The following DEFA6 variants were observed in gnomAD, a reference collection of about 807,000 sequenced individuals.
The protein encoded by DEFA6 is defensin alpha 6.
A neutral mutation model predicts 5.1 loss-of-function variants in DEFA6; 8 were observed. The ratio of observed to expected loss-of-function variants is 1.57; its 90% CI spans 0.92 to 2.83. The LOEUF (loss-of-function observed/expected upper bound fraction) is 2.83. Ranked by LOEUF, DEFA6 falls within the 30% of genes most tolerant of loss-of-function variation. DEFA6 has a pLI of 0.00. For missense variants in DEFA6, 191 were observed against 119.1 expected (o/e 1.60, Z -2.81); for synonymous variants, 74 against 45.3 (o/e 1.63, Z -2.54).
In DEFA6 at chr8:6,924,803, C is replaced by G. The variant is rs866592808; in HGVS notation, c.*15G>C. ...TAAAGTAAATTATGAATATATTTCTCTCTGTTCTCATCCCTCAGAGGCAGC... is the reference window on the plus strand; with the variant it reads ...TAAAGTAAATTATGAATATATTTCTGTCTGTTCTCATCCCTCAGAGGCAGC... On this transcript the variant is annotated 3_prime_UTR_variant, in exon 2 of 2. Coordinates refer to ENST00000297436, the MANE Select transcript of DEFA6 (RefSeq NM_001926.4). 4 of 1,544,710 alleles carry G rather than the reference C, an allele frequency of 2.6e-6. No individual in the cohort carries two copies. The highest frequency in any genetic ancestry group is 3.6e-6 in the Non-Finnish European group (4 of 1,120,184).
At chr8:6,925,740 G>A in intron 1 of DEFA6, 103 bp downstream of exon 1, 1 of 925,108 alleles carries the variant, frequency 1.1e-6, no homozygotes, top group Admixed American at 2.9e-5. Flanking sequence ...TGAGGCCTGG[G>A]GAGGTGATCA....
At position 6,924,933 on chromosome 8, in the gene DEFA6, G is replaced by A. The variant is rs1164230260; in HGVS notation, c.194-6C>T. 6.3e-7 allele frequency: 1 copy of A among 1,590,528 alleles called. No individual in the cohort carries two copies. The highest frequency in any genetic ancestry group is 1.7e-5 in the Admixed American group (1 of 59,650). ...AGTGAAAGCCCTTGTTGAGCCTGGG[G>A]ACAGAGAGAGAGAGCATCAGAAATT... is the stretch of plus-strand genomic sequence containing the variant. On this transcript the variant is annotated splice_region_variant and splice_polypyrimidine_tract_variant and intron_variant, in intron 1 of 1. Transcript: ENST00000297436.
At chr8:6,925,575 G>A (rs13439576) in intron 1 of DEFA6, among the ~76,000 whole-genome samples, 4,388 of 152,178 alleles carry the variant, frequency 0.029, 213 homozygotes, top group African/African-American at 0.099. Flanking sequence ...TTAAAATTAG[G>A]CTCTCTTCCT....
chr8:6,926,027 G>C lies in DEFA6; in HGVS notation c.9C>G (p.Thr3=). 6.2e-7 allele frequency: 1 copy of C among 1,609,582 alleles called. No individual in the cohort carries two copies. The highest frequency in any genetic ancestry group is 8.5e-7 in the Non-Finnish European group (1 of 1,178,360). MR[T]LTILTAVLLV... ...GGAGAACAGCAGTGAGGATGGTGAG[G>C]GTTCTCATGGCTAGGGTCGCTGGAG... Residue 3 remains threonine (T), a synonymous_variant, in exon 1 of 2, where the codon ACC becomes ACG. Coordinates refer to ENST00000297436, the MANE Select transcript of DEFA6 (RefSeq NM_001926.4).
chr8:6,924,865 C>T lies in DEFA6; in HGVS notation c.256G>A (p.Gly86Arg), dbSNP rs745532765. The T allele has an allele frequency of 1.2e-6, 2 of 1,611,784 alleles. No homozygotes were observed. The highest frequency in any genetic ancestry group is 1.7e-6 in the Non-Finnish European group (2 of 1,178,048). The change falls in exon 2 of 2, where the codon GGG becomes AGG. Residue 86 changes from glycine to arginine, a missense_variant. By Grantham distance (125) the Gly-to-Arg change is moderately radical. Coordinates refer to ENST00000297436, the MANE Select transcript of DEFA6 (RefSeq NM_001926.4). ...RSCYSTEYSY[G>R]TCTVMGINHR... is the part of the protein sequence containing the mutation. ...TTAATACCCATGACAGTGCAGGTCCCATAGGAATATTCTGTTGAATAACAG... is the reference window on the plus strand; with the variant it reads ...TTAATACCCATGACAGTGCAGGTCCTATAGGAATATTCTGTTGAATAACAG...
rs1003470629 is a variant in DEFA6 at position 6,924,782 on chromosome 8, G to A, written c.*36C>T. ...CGACAGTTTCCTTCTAGGTCATAAA[G>A]TAAATTATGAATATATTTCTCTCTG... On this transcript the variant is annotated 3_prime_UTR_variant, in exon 2 of 2. Coordinates refer to ENST00000297436, the MANE Select transcript of DEFA6 (RefSeq NM_001926.4). 7.0e-7 allele frequency: 1 copy of A among 1,429,606 alleles called. No individual in the cohort carries two copies. Among genetic ancestry groups the A allele is most frequent in the African/African-American group, 1.4e-5 (1 of 71,422 alleles). 88.6% of individuals were successfully genotyped at this position (1,429,606 alleles called of 1,614,324 possible).
intron 1 of DEFA6, 106 bp downstream of exon 1, chr8:6,925,737 T>C: frequency 1.1e-6 from 1 of 904,812 alleles, no homozygotes; most frequent in Non-Finnish European, 1.6e-6. Context: ...AATTGAGGCC[T>C]GGGGAGGTGA....
rs750454066 is a variant in DEFA6, at chr8:6,926,052, GGAGA to G, written c.-21_-18del. 6.3e-7 allele frequency: 1 copy of G among 1,595,606 alleles called. No homozygotes were observed. Among genetic ancestry groups the G allele is most frequent in the East Asian group, 2.3e-5 (1 of 44,276 alleles). On this transcript the variant is annotated 5_prime_UTR_variant, in exon 1 of 2. Transcript: ENST00000297436. ...GGTTCTCATGGCTAGGGTCGCTGGA[GGAGA>G]GAGAGCAGGAGCAGATGTGTGGGGA...
In DEFA6 at chr8:6,924,766, C is replaced by A; in HGVS notation, c.*52G>T. 1 of 1,313,098 alleles carries A rather than the reference C, an allele frequency of 7.6e-7. No individual in the cohort carries two copies. 81.3% of individuals were successfully genotyped at this position (1,313,098 alleles called of 1,614,324 possible). ...CAATGTATAGGACACACGACAGTTT[C>A]CTTCTAGGTCATAAAGTAAATTATG... On this transcript the variant is annotated 3_prime_UTR_variant, in exon 2 of 2. Coordinates refer to ENST00000297436, the MANE Select transcript of DEFA6 (RefSeq NM_001926.4).
In DEFA6 at chr8:6,925,932, T is replaced by C; in HGVS notation, c.104A>G (p.Glu35Gly). Reference protein sequence around the residue: ...EDDPLQAKAYEADAQEQRGAN... With the variant: ...EDDPLQAKAYGADAQEQRGAN... ...CCCACGCTGCTCCTGGGCATCAGCC[T>C]CATAAGCTTTTGCCTGCAGTGGATC... Residue 35 changes from glutamate (E) to glycine (G), a missense_variant, in exon 1 of 2, where the codon GAG (glutamate) becomes GGG (glycine). By Grantham distance (98) the Glu-to-Gly change is moderately conservative (BLOSUM62 -2). Transcript: ENST00000297436. 6.2e-7 allele frequency: 1 copy of C among 1,614,110 alleles called. No individual in the cohort carries two copies. Among genetic ancestry groups the C allele is most frequent in the Non-Finnish European group, 8.5e-7 (1 of 1,180,014 alleles).
chr8:6,925,291 T>C (rs765045310), intron 1 of DEFA6, among the ~76,000 whole-genome samples: 1 of 151,724 alleles, frequency 6.6e-6, no homozygotes, highest in Non-Finnish European at 1.5e-5. Context: ...GAGGCCAAGG[T>C]GGGTTTATCA....
intron 1 of DEFA6, among the ~76,000 whole-genome samples, 174 bp from the exon 2 acceptor site, chr8:6,925,101 A>G (rs1808383275): frequency 1.3e-5 from 2 of 152,238 alleles, no homozygotes. Flanking sequence ...TTGGTCACAC[A>G]CAGGATTAGA....
rs56239909 is a variant in DEFA6, at chr8:6,924,757, C to T, written c.*61G>A. 4,774 of 1,211,088 alleles carry T rather than the reference C, an allele frequency of 3.9e-3. 111 individuals are homozygous for T. In the African/African-American group the frequency reaches 0.056, roughly 14 times the overall value. The allele number at this position is 1,211,088 out of a possible 1,614,324, so 75.0% of individuals were successfully genotyped here. ...AGTTGATGGCAATGTATAGGACACACGACAGTTTCCTTCTAGGTCATAAAG... is the reference window on the plus strand; with the variant it reads ...AGTTGATGGCAATGTATAGGACACATGACAGTTTCCTTCTAGGTCATAAAG... On this transcript the variant is annotated 3_prime_UTR_variant, in exon 2 of 2. Transcript: ENST00000297436.
Position 6,926,005 on chromosome 8 carries a change from G to C in DEFA6, c.31C>G (p.Leu11Val). The change falls in exon 1 of 2, where the codon CTC becomes GTC. Residue 11 changes from leucine (L) to valine (V), a missense_variant. Physicochemically the swap from Leu to Val is conservative, Grantham distance 32. Coordinates refer to ENST00000297436, the MANE Select transcript of DEFA6 (RefSeq NM_001926.4). Reference protein sequence around the residue: MRTLTILTAVLLVALQAKAEP... With the variant: MRTLTILTAVVLVALQAKAEP... ...GCCTTGGCCTGGAGGGCCACGAGGA[G>C]AACAGCAGTGAGGATGGTGAGGGTT... 1 of 1,612,720 alleles carries C rather than the reference G, an allele frequency of 6.2e-7. No individual in the cohort carries two copies. Among genetic ancestry groups the C allele is most frequent in the African/African-American group, 1.3e-5 (1 of 75,016 alleles).
intron 1 of DEFA6, among the ~76,000 whole-genome samples, chr8:6,925,595 G>C (rs1808403271): frequency 6.6e-6 from 1 of 152,182 alleles, no homozygotes; most frequent in Non-Finnish European, 1.5e-5. Context: ...TTGAAGTAGA[G>C]ACTCCTCAAT....
intron 1 of DEFA6, among the ~76,000 whole-genome samples, chr8:6,925,561 T>G (rs1236999501): frequency 6.6e-6 from 1 of 152,030 alleles, no homozygotes; most frequent in Non-Finnish European, 1.5e-5. Context: ...AACAAAACAT[T>G]CCTTTAAAAT....
At chr8:6,925,636 T>G (rs1219032572) in intron 1 of DEFA6, among the ~76,000 whole-genome samples, 8 of 152,262 alleles carry the variant, frequency 5.3e-5, no homozygotes, top group Admixed American at 3.3e-4. Context: ...ATTAGAAAAT[T>G]TCATAGACTT....
rs1156497355 is a variant in DEFA6, at chr8:6,924,882, G to C, written c.239C>G (p.Ser80Ter). ...FTCHCRRSCY[S>*]TEYSYGTCTV... The stretch of plus-strand genomic sequence containing the variant: ...GCAGGTCCCATAGGAATATTCTGTT[G>C]AATAACAGGACCTTCTGCAATGGCA... The change falls in exon 2 of 2, where the codon TCA becomes TGA. Residue 80 changes from serine (S) to a stop codon, truncating the protein, a stop_gained. Coordinates refer to ENST00000297436, the MANE Select transcript of DEFA6 (RefSeq NM_001926.4). LOFTEE classifies it low-confidence loss of function (END_TRUNC). 6.2e-7 allele frequency: 1 copy of C among 1,612,002 alleles called. No homozygotes were observed. The highest frequency in any genetic ancestry group is 2.2e-5 in the East Asian group (1 of 44,786).
intron 1 of DEFA6, among the ~76,000 whole-genome samples, chr8:6,925,181 A>T (rs533557333): frequency 6.6e-6 from 1 of 152,306 alleles, no homozygotes; most frequent in Non-Finnish European, 1.5e-5. Flanking sequence ...CACCCATATG[A>T]CTGTCTCCAG....
Sources: gnomAD v4.1 joint callset for allele counts (sites outside exome capture counted in the v4.1 genomes callset) on GRCh38, gnomAD v4.1.1 for gene constraint, MANE v1.5 for transcripts, NCBI Gene and HGNC (gene_info 2026-07-23, HGNC 2026-07-21) for gene names.